The following ARB2A variants were observed in gnomAD, a reference collection of about 807,000 sequenced individuals.
ARB2A encodes the protein ARB2 cotranscriptional regulator A, also known as cotranscriptional regulator ARB2A.
chr5:94,088,478 C>G, the ARB2A span, among the ~76,000 whole-genome samples: 1 of 152,192 alleles, frequency 6.6e-6, no homozygotes, highest in East Asian at 1.9e-4. Context: ...GCCAGGAGTT[C>G]AAGACCAGCC....
chr5:93,923,879 T>A, the ARB2A span, among the ~76,000 whole-genome samples: 1 of 152,270 alleles, frequency 6.6e-6, no homozygotes, highest in East Asian at 1.9e-4. Flanking sequence ...GTGAAACATG[T>A]TATAGAAGTT....
the ARB2A span, among the ~76,000 whole-genome samples, chr5:93,956,887 G>T: frequency 6.6e-6 from 1 of 152,040 alleles, no homozygotes; most frequent in East Asian, 1.9e-4. Context: ...AAATCACCAG[G>T]AAGAAAATTA....
At chr5:93,670,890 T>A in the ARB2A span, among the ~76,000 whole-genome samples, 1 of 152,218 alleles carries the variant, frequency 6.6e-6, no homozygotes, top group Admixed American at 6.5e-5. Flanking sequence ...ATTGTACTAT[T>A]TAAAATAATT....
chr5:94,024,036 G>A, the ARB2A span, among the ~76,000 whole-genome samples: 17 of 152,314 alleles, frequency 1.1e-4, no homozygotes, highest in East Asian at 2.5e-3. Flanking sequence ...CGTAGAGCCT[G>A]AGAAAGACTT....
chr5:93,654,257 C>G, the ARB2A span, among the ~76,000 whole-genome samples: 1 of 152,132 alleles, frequency 6.6e-6, no homozygotes, highest in Non-Finnish European at 1.5e-5. Flanking sequence ...TGACCATAAG[C>G]AAGGGCTCTG....
chr5:93,911,517 G>C, the ARB2A span, among the ~76,000 whole-genome samples: 1 of 151,580 alleles, frequency 6.6e-6, no homozygotes, highest in African/African-American at 2.4e-5. Flanking sequence ...AAAGCAAGAA[G>C]ATCATTTCAA....
the ARB2A span, among the ~76,000 whole-genome samples, chr5:94,082,190 T>C: frequency 6.6e-6 from 1 of 152,146 alleles, no homozygotes; most frequent in Non-Finnish European, 1.5e-5. Flanking sequence ...CCCATTAGTA[T>C]CCCTCGCATA....
chr5:93,975,190 C>A, the ARB2A span, among the ~76,000 whole-genome samples: 3 of 151,620 alleles, frequency 2.0e-5, no homozygotes, highest in African/African-American at 7.3e-5. Flanking sequence ...GTAGCGAGCA[C>A]CTTGTAGTCC....
chr5:93,767,383 T>C, the ARB2A span, among the ~76,000 whole-genome samples: 2 of 152,170 alleles, frequency 1.3e-5, no homozygotes, highest in Admixed American at 1.3e-4. Flanking sequence ...TAAAAAACAG[T>C]AGGTGTTGGT....
the ARB2A span, among the ~76,000 whole-genome samples, chr5:93,763,261 A>G: frequency 1.3e-5 from 2 of 152,258 alleles, no homozygotes; most frequent in Non-Finnish European, 2.9e-5. Context: ...CAAATTGGAT[A>G]AAGAGTCAAG....
At chr5:93,934,126 T>A in the ARB2A span, among the ~76,000 whole-genome samples, 6 of 152,208 alleles carry the variant, frequency 3.9e-5, no homozygotes, top group African/African-American at 1.4e-4. Flanking sequence ...TAGAGTTTTA[T>A]GAGGAACTAT....
chr5:94,020,290 G>A, the ARB2A span, among the ~76,000 whole-genome samples: 2 of 151,976 alleles, frequency 1.3e-5, no homozygotes, highest in Non-Finnish European at 2.9e-5. Flanking sequence ...GTAGGGGGCT[G>A]GGGAGGGACA....
At chr5:94,037,637 A>G in the ARB2A span, among the ~76,000 whole-genome samples, 1 of 152,132 alleles carries the variant, frequency 6.6e-6, no homozygotes, top group African/African-American at 2.4e-5. Flanking sequence ...CCACTTTTCT[A>G]AAGTCATACA....
the ARB2A span, among the ~76,000 whole-genome samples, chr5:93,814,468 A>G: frequency 1.3e-3 from 195 of 152,318 alleles, no homozygotes; most frequent in Non-Finnish European, 2.0e-3. Context: ...AAAGGCAAAA[A>G]TGTATTACAT....
chr5:93,837,391 T>C, the ARB2A span, among the ~76,000 whole-genome samples: 1 of 152,174 alleles, frequency 6.6e-6, no homozygotes, highest in Admixed American at 6.5e-5. Flanking sequence ...TGATTCCACG[T>C]CTTTGCTACT....
chr5:93,717,981 C>T, the ARB2A span, among the ~76,000 whole-genome samples: 5 of 151,858 alleles, frequency 3.3e-5, no homozygotes, highest in East Asian at 2.0e-4. Context: ...ATTACAGGTG[C>T]GCACCACCAT....
At chr5:93,902,335 G>T in the ARB2A span, among the ~76,000 whole-genome samples, 11 of 152,156 alleles carry the variant, frequency 7.2e-5, no homozygotes, top group African/African-American at 2.2e-4. Context: ...GCTTAAAAAT[G>T]TTACCTTTGT....
the ARB2A span, among the ~76,000 whole-genome samples, chr5:94,065,192 A>T: frequency 1.3e-5 from 2 of 152,230 alleles, no homozygotes; most frequent in African/African-American, 4.8e-5. Context: ...ATCTGTAAAG[A>T]CACATAAACT....
chr5:94,017,456 T>C, the ARB2A span, among the ~76,000 whole-genome samples: 1 of 152,204 alleles, frequency 6.6e-6, no homozygotes, highest in Admixed American at 6.5e-5. Flanking sequence ...AGAATTAGAA[T>C]GTATGAACAG....
Sources: allele counts gnomAD v4.1 joint callset (sites outside exome capture counted in the v4.1 genomes callset), GRCh38; gene constraint gnomAD v4.1.1; transcripts MANE v1.5; gene names NCBI Gene and HGNC (gene_info 2026-07-23, HGNC 2026-07-21).